The following ZNF423 variants were observed in gnomAD, a reference collection of about 807,000 sequenced individuals.
The protein encoded by ZNF423 is zinc finger protein 423.
Under a neutral mutation model 95.8 loss-of-function variants are expected in ZNF423, and 12 were observed. The observed-to-expected ratio is 0.13, with a 90% CI of 0.08 to 0.20. ZNF423 has a LOEUF of 0.20. Among genes scored for constraint, ZNF423 ranks in the 10% least tolerant of loss-of-function variants. The pLI is 1.00. For missense variants in ZNF423, 1,316 were observed against 1,737.1 expected (o/e 0.76, Z 4.31); for synonymous variants, 749 against 711.9 (o/e 1.05, Z -0.83).
chr16:49,525,172 G>A (rs368462566), intron 6 of ZNF423, among the ~76,000 whole-genome samples, 191 bp downstream of exon 6: 40 of 152,172 alleles, frequency 2.6e-4, no homozygotes, highest in African/African-American at 9.2e-4. Context: ...GAAGGAGGGC[G>A]CGTGTCAGCT....
intron 5 of ZNF423, among the ~76,000 whole-genome samples, chr16:49,565,045 G>A (rs1188420627): frequency 6.6e-6 from 1 of 152,184 alleles, no homozygotes; most frequent in African/African-American, 2.4e-5. Flanking sequence ...TGGCCTAGAT[G>A]ACAGCTGTGT....
intron 3 of ZNF423, among the ~76,000 whole-genome samples, chr16:49,724,200 T>C (rs1321147925): frequency 1.3e-5 from 2 of 152,232 alleles, no homozygotes; most frequent in African/African-American, 4.8e-5. Flanking sequence ...TGTTTGTCTG[T>C]CCTCTCCATG....
At chr16:49,516,669 G>A (rs1450455902) in intron 7 of ZNF423, among the ~76,000 whole-genome samples, 2 of 152,222 alleles carry the variant, frequency 1.3e-5, no homozygotes, top group African/African-American at 4.8e-5. Flanking sequence ...TTCCATTTCT[G>A]GACAGTTTTC....
intron 5 of ZNF423, among the ~76,000 whole-genome samples, chr16:49,590,050 A>ATATATATATATATATATATACATATG (rs552421632): frequency 8.5e-6 from 1 of 117,506 alleles, no homozygotes; most frequent in Non-Finnish European, 2.0e-5. Flanking sequence ...ATATATATAT[A>ATATATATATATATATATATACATATG]TTTGGTCCAT....
At chr16:49,678,294 TTTTTGTTTTG>T (rs59840165) in intron 3 of ZNF423, among the ~76,000 whole-genome samples, 148 of 111,196 alleles carry the variant, frequency 1.3e-3, no homozygotes, top group African/African-American at 3.5e-3. Flanking sequence ...AACTGTGAGG[TTTTTGTTTTG>T]TTTTGTTTTG....
At chr16:49,666,810 C>A (rs1341337481) in intron 3 of ZNF423, among the ~76,000 whole-genome samples, 1 of 152,184 alleles carries the variant, frequency 6.6e-6, no homozygotes, top group Non-Finnish European at 1.5e-5. Flanking sequence ...CGCAACTTGC[C>A]ACCTGGGCTA....
intron 5 of ZNF423, among the ~76,000 whole-genome samples, chr16:49,586,056 A>T (rs1156440698): frequency 6.6e-6 from 1 of 152,184 alleles, no homozygotes; most frequent in Non-Finnish European, 1.5e-5. Context: ...TCTGCCTCCC[A>T]GAACGCTAAC....
intron 7 of ZNF423, among the ~76,000 whole-genome samples, chr16:49,517,045 A>C (rs1301867028): frequency 2.6e-5 from 4 of 152,208 alleles, no homozygotes; most frequent in Non-Finnish European, 5.9e-5. Context: ...GAGCCCAGAA[A>C]GTCAGGCTGT....
intron 3 of ZNF423, among the ~76,000 whole-genome samples, chr16:49,666,807 T>C (rs1381764319): frequency 6.6e-6 from 1 of 152,190 alleles, no homozygotes; most frequent in Non-Finnish European, 1.5e-5. Context: ...CTACGCAACT[T>C]GCCACCTGGG....
At chr16:49,820,680 C>A (rs2034927437) in intron 1 of ZNF423, among the ~76,000 whole-genome samples, 2 of 152,180 alleles carry the variant, frequency 1.3e-5, no homozygotes, top group South Asian at 4.1e-4. Context: ...TCACTAATTA[C>A]CTGGCTGTCT....
In ZNF423 at chr16:49,638,059, C is replaced by G. The variant is rs749052902; in HGVS notation, c.1117G>C (p.Ala373Pro). 1 of 1,613,884 alleles carries G rather than the reference C, an allele frequency of 6.2e-7. No individual in the cohort carries two copies. Among genetic ancestry groups the G allele is most frequent in the Non-Finnish European group, 8.5e-7 (1 of 1,179,992 alleles). ...TCGGGTGTGGCGCTGCTCATGGAGG[C>G]CACGCTGCCCAGTACAGGGTCGGGA... Reference protein sequence around the residue: ...VSPDPVLGSVASMSSATPDSS... With the variant: ...VSPDPVLGSVPSMSSATPDSS... Residue 373 changes from alanine (A) to proline (P), a missense_variant, in exon 4 of 8, where the codon GCC becomes CCC. This residue lies in a region of ZNF423 where 399 missense variants were observed against 478.5 expected (regional missense o/e 0.83). Coordinates refer to ENST00000563137, the MANE Select transcript of ZNF423 (RefSeq NM_001379286.1). This position sits in a 1 kb window ranked among gnomAD's most constrained non-coding sequence, Gnocchi z 5.6.
chr16:49,726,128 A>T (rs2033007698), intron 3 of ZNF423, among the ~76,000 whole-genome samples: 1 of 152,202 alleles, frequency 6.6e-6, no homozygotes, highest in East Asian at 1.9e-4. Context: ...GGCACAGCAC[A>T]GGCCCCTGCT....
At position 49,491,260 on chromosome 16, in the gene ZNF423, C is replaced by T. The variant is rs1179301086; in HGVS notation, c.*15G>A. The T allele has an allele frequency of 3.1e-6, 5 of 1,614,084 alleles. No homozygotes were observed. The highest frequency in any genetic ancestry group is 4.2e-6 in the Non-Finnish European group (5 of 1,180,042). ...GGCAAGCCTTCTGCGGAGAGGTGTC[C>T]TGTTGAGCGATCCCTCACTGTGCGT... On this transcript the variant is annotated 3_prime_UTR_variant, in exon 8 of 8. Coordinates refer to ENST00000563137, the MANE Select transcript of ZNF423 (RefSeq NM_001379286.1).
At chr16:49,712,114 C>A (rs866521438) in intron 3 of ZNF423, among the ~76,000 whole-genome samples, 5 of 151,976 alleles carry the variant, frequency 3.3e-5, no homozygotes, top group African/African-American at 4.8e-5. Flanking sequence ...GAGACCCTGT[C>A]GCTATTTAAA....
intron 5 of ZNF423, among the ~76,000 whole-genome samples, chr16:49,611,644 T>A (rs1971726194): frequency 6.6e-6 from 1 of 151,652 alleles, no homozygotes; most frequent in Non-Finnish European, 1.5e-5. Context: ...AAGGAAAAGA[T>A]CAGAAACCCT....
intron 5 of ZNF423, among the ~76,000 whole-genome samples, chr16:49,543,686 G>A (rs757328678): frequency 2.6e-5 from 4 of 152,200 alleles, no homozygotes; most frequent in African/African-American, 7.2e-5. Context: ...CCCCGCCAAG[G>A]ACAGCTCAGC....
At chr16:49,507,339 G>A (rs924200537) in intron 7 of ZNF423, among the ~76,000 whole-genome samples, 1 of 151,604 alleles carries the variant, frequency 6.6e-6, no homozygotes, top group Admixed American at 6.6e-5. Context: ...TCATTATGTT[G>A]TCCAGCCTGG....
At chr16:49,832,936 T>C (rs1348690278) in intron 1 of ZNF423, among the ~76,000 whole-genome samples, 1 of 152,228 alleles carries the variant, frequency 6.6e-6, no homozygotes, top group African/African-American at 2.4e-5. Flanking sequence ...AATCTCTCAA[T>C]GTTGATTTCT....
chr16:49,525,524 A>G, intron 5 of ZNF423, 30 bp from the exon 6 acceptor site: 1 of 1,613,284 alleles, frequency 6.2e-7, no homozygotes, highest in South Asian at 1.1e-5. Context: ...CCAGTCAGTG[A>G]CCAGCATGCC....
Sources: gnomAD v4.1 joint callset for allele counts (sites outside exome capture counted in the v4.1 genomes callset) on GRCh38, gnomAD v4.1.1 for gene constraint, gnomAD v4.1.1 regional missense constraint, Gnocchi (gnomAD v3.1) non-coding constraint, MANE v1.5 for transcripts, NCBI Gene and HGNC (gene_info 2026-07-23, HGNC 2026-07-21) for gene names.